CLCN5: variants seen among roughly 807,000 people sequenced by gnomAD.
The protein encoded by CLCN5 is H(+)/Cl(-) exchange transporter 5.
Under a neutral mutation model 54.0 loss-of-function variants are expected in CLCN5, and 17 were observed. The ratio of observed to expected loss-of-function variants is 0.31; its 90% CI spans 0.22 to 0.47. CLCN5 has a LOEUF of 0.47. Ranked by LOEUF, CLCN5 falls within the 20% of genes least tolerant of loss-of-function variation. The pLI, the probability that CLCN5 is intolerant of heterozygous loss-of-function variation, is 1.00. For synonymous variants in CLCN5, 222 were observed against 233.0 expected (o/e 0.95, Z 0.43); for missense variants, 448 against 646.7 (o/e 0.69, Z 3.33).
chrX:50,083,281 G>A (rs1448849208), intron 9 of CLCN5, among the ~76,000 whole-genome samples: 1 of 111,072 alleles, frequency 9.0e-6, no homozygotes, highest in Non-Finnish European at 1.9e-5. Flanking sequence ...GTTGGTTCAA[G>A]GGAGAAAGGT....
intron 3 of CLCN5, among the ~76,000 whole-genome samples, chrX:49,975,429 A>C (rs1225117074): frequency 9.0e-6 from 1 of 111,117 alleles, no homozygotes; most frequent in Non-Finnish European, 1.9e-5. Context: ...AGTTGATAAT[A>C]TTTTTTTCCT....
chrX:50,008,766 C>T (rs1930337102), intron 3 of CLCN5, among the ~76,000 whole-genome samples: 1 of 111,937 alleles, frequency 8.9e-6, no homozygotes, highest in Non-Finnish European at 1.9e-5. Flanking sequence ...CACTGTCACC[C>T]ACAAACATAC....
chrX:50,025,363 CCTGCGCCCACTGT>C (rs1557184831), intron 3 of CLCN5, among the ~76,000 whole-genome samples: 3 of 85,531 alleles, frequency 3.5e-5, no homozygotes, highest in Non-Finnish European at 6.8e-5. Flanking sequence ...CACACACTGG[CCTGCGCCCACTGT>C]CTGGCACTCC....
chrX:50,012,430 C>T (rs1557182706), intron 3 of CLCN5, among the ~76,000 whole-genome samples: 1 of 112,352 alleles, frequency 8.9e-6, no homozygotes, highest in Non-Finnish European at 1.9e-5. Flanking sequence ...TTTGTATGGT[C>T]ATAGGAAAAT....
At chrX:50,051,853 A>G (rs1044407104) in intron 4 of CLCN5, among the ~76,000 whole-genome samples, 1 of 111,493 alleles carries the variant, frequency 9.0e-6, no homozygotes, top group African/African-American at 3.3e-5. Flanking sequence ...ACTTTTGTAT[A>G]TTGACTTTAT....
rs782002935 is a variant in CLCN5 at position 50,077,474 on chromosome X, C to T, written c.603+1492C>T. Among the ~76,000 whole-genome samples the T allele has an allele frequency of 2.8e-3, 300 of 106,963 alleles. 1 individual carries two copies. Among genetic ancestry groups the T allele is most frequent in the African/African-American group, 9.8e-3 (287 of 29,334 alleles). 92.9% of individuals were successfully genotyped at this position (106,963 alleles called of 115,157 possible). ...CATACTTGTTAAGAAAAAAAAAAATCTTTCAGCTCTGCTCCCGGGTACCCT... is the reference window on the plus strand; with the variant it reads ...CATACTTGTTAAGAAAAAAAAAAATTTTTCAGCTCTGCTCCCGGGTACCCT... On this transcript the variant is annotated intron_variant, in intron 7 of 14. Transcript: ENST00000376091.
rs371010440 is a variant in CLCN5 at position 49,964,442 on chromosome X, C to T, written c.16+39128C>T. Among the ~76,000 whole-genome samples, 14 of 111,539 alleles carry T rather than the reference C, an allele frequency of 1.3e-4. No homozygotes were observed. The East Asian group carries it at 1.4e-3, about 11-fold the overall frequency. On this transcript the variant is annotated intron_variant, in intron 3 of 14. Coordinates refer to ENST00000376091, the MANE Select transcript of CLCN5 (RefSeq NM_001127898.4). ...CTTATGAGGTGGATACTGTTTTCAC[C>T]CCATTGTATAGATGAAGAAACTGAG...
At position 49,938,262 on chromosome X, in the gene CLCN5, T is replaced by A. The variant is rs782103571; in HGVS notation, c.16+12948T>A. On this transcript the variant is annotated intron_variant, in intron 3 of 14. Coordinates refer to ENST00000376091, the MANE Select transcript of CLCN5 (RefSeq NM_001127898.4). The stretch of plus-strand genomic sequence containing the variant: ...CCATCCCCATCAAGCTACCAATGAC[T>A]TTCTTCACAGAATTGGAAAAAACTA... Among the ~76,000 whole-genome samples the A allele has an allele frequency of 8.0e-5, 9 of 111,995 alleles. No homozygotes were observed. The South Asian group carries it at 3.3e-3, about 42-fold the overall frequency.
At chrX:49,931,951 T>C (rs1192412553) in intron 3 of CLCN5, among the ~76,000 whole-genome samples, 1 of 108,566 alleles carries the variant, frequency 9.2e-6, no homozygotes, top group Non-Finnish European at 1.9e-5. Flanking sequence ...GGACTCCCTC[T>C]GTCACCCAGC....
intron 10 of CLCN5, 78 bp from the exon 11 acceptor site, chrX:50,086,250 A>G (rs1933881980): frequency 9.5e-7 from 1 of 1,051,116 alleles, no homozygotes; most frequent in Non-Finnish European, 1.3e-6. Flanking sequence ...GTTGACTCTC[A>G]TGCCTGCAGC....
rs868925823 is a variant in CLCN5, at chrX:50,061,887, A to T, written c.164-7992A>T. ...TAAAGAAAAGAATTTTCAACCCAGA[A>T]TTTCATATCCAGCCAAACTAAGCTT... On this transcript the variant is annotated intron_variant, in intron 4 of 14. Coordinates refer to ENST00000376091, the MANE Select transcript of CLCN5 (RefSeq NM_001127898.4). Among the ~76,000 whole-genome samples, 5 of 48,995 alleles carry T rather than the reference A, an allele frequency of 1.0e-4. No individual in the cohort carries two copies. The South Asian group carries it at 8.7e-3, about 85-fold the overall frequency. 42.5% of individuals were successfully genotyped at this position (48,995 alleles called of 115,157 possible). A position where few individuals can be genotyped will look rare whatever the true frequency, so the allele number is the denominator to read the frequency against.
intron 3 of CLCN5, among the ~76,000 whole-genome samples, chrX:49,994,125 T>A (rs1557179317): frequency 8.9e-6 from 1 of 111,844 alleles, no homozygotes; most frequent in East Asian, 2.8e-4. Flanking sequence ...GCAGAGAATT[T>A]GGGGAGAAAG....
At chrX:49,982,977 A>G (rs1444905069) in intron 3 of CLCN5, among the ~76,000 whole-genome samples, 1 of 112,057 alleles carries the variant, frequency 8.9e-6, no homozygotes, top group African/African-American at 3.2e-5. Context: ...TTCCCCCAGC[A>G]TTATTGTGGT....
chrX:50,006,162 G>A (rs1201127230), intron 3 of CLCN5, among the ~76,000 whole-genome samples: 3 of 111,904 alleles, frequency 2.7e-5, no homozygotes, highest in Non-Finnish European at 3.8e-5. Flanking sequence ...CAGGGTGATC[G>A]TGGTGAAGGT....
chrX:50,047,443 G>A (rs1311012916), intron 4 of CLCN5, among the ~76,000 whole-genome samples: 1 of 111,334 alleles, frequency 9.0e-6, no homozygotes, highest in Non-Finnish European at 1.9e-5. Flanking sequence ...GTAATATGCT[G>A]GATCTTTAAA....
chrX:50,080,070 A>G (rs1933622710), intron 7 of CLCN5, among the ~76,000 whole-genome samples: 1 of 111,479 alleles, frequency 9.0e-6, no homozygotes, highest in African/African-American at 3.3e-5. Flanking sequence ...AAAAATTTTA[A>G]AAAGCAAAGA....
At chrX:50,032,199 T>C (rs1238448913) in intron 3 of CLCN5, among the ~76,000 whole-genome samples, 2 of 106,129 alleles carry the variant, frequency 1.9e-5, no homozygotes, top group Middle Eastern at 5.0e-3. Flanking sequence ...TGTGTCTTTA[T>C]AGCAGCATGA....
chrX:49,995,078 C>T (rs1050523478), intron 3 of CLCN5, among the ~76,000 whole-genome samples: 1 of 111,635 alleles, frequency 9.0e-6, no homozygotes, highest in Admixed American at 9.6e-5. Flanking sequence ...CAGATCAAGA[C>T]GTATTCCTAA....
At position 50,087,590 on chromosome X, in the gene CLCN5, C is replaced by A. The variant is rs1458032886; in HGVS notation, c.1557+720C>A. On this transcript the variant is annotated intron_variant, in intron 11 of 14. Coordinates refer to ENST00000376091, the MANE Select transcript of CLCN5 (RefSeq NM_001127898.4). ...GTTTGTTTCTTTCTTTTCTTTAGCA[C>A]CCTAACTACCAAGTTATTTTCCTCT... 4.5e-5 allele frequency among the ~76,000 whole-genome samples: 5 copies of A among 111,611 alleles called. No homozygotes were observed. In the East Asian group the frequency reaches 1.1e-3, roughly 25 times the overall value.
Sources: gnomAD v4.1 joint callset for allele counts (sites outside exome capture counted in the v4.1 genomes callset) on GRCh38, gnomAD v4.1.1 for gene constraint, MANE v1.5 for transcripts, NCBI Gene and HGNC (gene_info 2026-07-23, HGNC 2026-07-21) for gene names.